Variants in BMP7 observed in about 807,000 individuals in gnomAD.
The protein encoded by BMP7 is bone morphogenetic protein 7.
In BMP7, 12 loss-of-function variants were observed where a neutral mutation model predicts 41.2. The ratio of observed to expected loss-of-function variants is 0.29; its 90% CI spans 0.19 to 0.47. BMP7 has a LOEUF of 0.47. Among genes scored for constraint, BMP7 ranks in the 20% least tolerant of loss-of-function variants. The probability of loss-of-function intolerance (pLI) is 0.99; values close to 1 mark genes in which losing one functional copy is unlikely to be tolerated. For synonymous variants in BMP7, 248 were observed against 250.0 expected (o/e 0.99, Z 0.07); for missense variants, 467 against 606.0 (o/e 0.77, Z 2.41).
Position 57,259,460 on chromosome 20 carries a change from C to G in BMP7, c.418+6245G>C, listed in dbSNP as rs1158054375. On this transcript the variant is annotated intron_variant, in intron 1 of 6. Transcript: ENST00000395863. This position sits in a 1 kb window ranked among gnomAD's most constrained non-coding sequence, Gnocchi z 4.7. Reference sequence around the variant, plus strand: ...AAATACTGTACCATGCTACCGACATCAATTAATGAAAAGCAGGGTTGTGTG... The same window carrying G: ...AAATACTGTACCATGCTACCGACATGAATTAATGAAAAGCAGGGTTGTGTG... 2.6e-5 allele frequency among the ~76,000 whole-genome samples: 4 copies of G among 152,328 alleles called. No homozygotes were observed. The highest frequency in any genetic ancestry group is 4.4e-5 in the Non-Finnish European group (3 of 68,032).
rs1178005563 is a variant in BMP7, at chr20:57,259,630, G to A, written c.418+6075C>T. Reference sequence around the variant, plus strand: ...TTGTCATTAATTCAATCCACTCCACGCGGATCAGCACAGGCTTTGCGCGGC... The same window carrying A: ...TTGTCATTAATTCAATCCACTCCACACGGATCAGCACAGGCTTTGCGCGGC... On this transcript the variant is annotated intron_variant, in intron 1 of 6. Coordinates refer to ENST00000395863, the MANE Select transcript of BMP7 (RefSeq NM_001719.3). The surrounding 1 kb of genome is among the most constrained non-coding windows in gnomAD (Gnocchi z 4.7). 5.9e-5 allele frequency among the ~76,000 whole-genome samples: 9 copies of A among 152,098 alleles called. No homozygotes were observed. Among genetic ancestry groups the A allele is most frequent in the Non-Finnish European group, 1.0e-4 (7 of 68,030 alleles).
At position 57,228,268 on chromosome 20, in the gene BMP7, C is replaced by T. The variant is rs140127181; in HGVS notation, c.572G>A (p.Arg191Gln). 24 of 1,614,050 alleles carry T rather than the reference C, an allele frequency of 1.5e-5. No individual in the cohort carries two copies. Among genetic ancestry groups the T allele is most frequent in the Middle Eastern group, 3.4e-4 (2 of 5,966 alleles). Reference protein sequence around the residue: ...IRERFDNETFRISVYQVLQEH... With the variant: ...IRERFDNETFQISVYQVLQEH... ...CTGGAGCACCTGATAAACGCTGATC[C>T]GGAACGTCTCATTGTCGAAGCGTTC... is the stretch of plus-strand genomic sequence containing the variant. Residue 191 changes from arginine to glutamine, a missense_variant, in exon 2 of 7, where the codon CGG becomes CAG. Coordinates refer to ENST00000395863, the MANE Select transcript of BMP7 (RefSeq NM_001719.3). This position sits in a 1 kb window ranked among gnomAD's most constrained non-coding sequence, Gnocchi z 4.5.
In BMP7 at chr20:57,243,303, AC is replaced by A. The variant is rs561457887; in HGVS notation, c.419-14883del. ...AGACCAGCCTGGCTAATATGCCAAA[AC>A]CCTGTCTCTACTAAAAATACAAAAA... On this transcript the variant is annotated intron_variant, in intron 1 of 6. Transcript: ENST00000395863. Among the ~76,000 whole-genome samples, 39 of 152,118 alleles carry A rather than the reference AC, an allele frequency of 2.6e-4. No individual in the cohort carries two copies. In the East Asian group the frequency reaches 7.2e-3, roughly 28 times the overall value.
chr20:57,191,018 A>C (rs1026669438), intron 3 of BMP7, among the ~76,000 whole-genome samples: 1 of 152,128 alleles, frequency 6.6e-6, no homozygotes, highest in South Asian at 2.1e-4. Flanking sequence ...ACATTGCTAC[A>C]TGTCCCCTGG....
At chr20:57,255,124 T>A (rs2066129188) in intron 1 of BMP7, among the ~76,000 whole-genome samples, 1 of 152,024 alleles carries the variant, frequency 6.6e-6, no homozygotes, top group Non-Finnish European at 1.5e-5. Context: ...CGGCTTCTGT[T>A]TTAATGGTCT....
chr20:57,205,227 C>A (rs1984704216), intron 2 of BMP7, among the ~76,000 whole-genome samples: 1 of 152,170 alleles, frequency 6.6e-6, no homozygotes, highest in Middle Eastern at 3.2e-3. Context: ...GCAAGGAAGT[C>A]TTTTTAGAGC....
chr20:57,264,161 GTTA>G (rs935598177), intron 1 of BMP7, among the ~76,000 whole-genome samples: 1 of 152,194 alleles, frequency 6.6e-6, no homozygotes, highest in Non-Finnish European at 1.5e-5. Flanking sequence ...GTTGGATTTA[GTTA>G]TTATTAAGTA....
At chr20:57,242,573 C>G (rs1483221685) in intron 1 of BMP7, among the ~76,000 whole-genome samples, 2 of 152,220 alleles carry the variant, frequency 1.3e-5, no homozygotes, top group African/African-American at 4.8e-5. Context: ...CACCCTAACA[C>G]CTCGGGGCAG....
chr20:57,196,013 A>C (rs1261756102), intron 3 of BMP7, among the ~76,000 whole-genome samples: 2 of 152,180 alleles, frequency 1.3e-5, no homozygotes, highest in Non-Finnish European at 2.9e-5. Flanking sequence ...CATGAGGCAG[A>C]CAAGGGCTCC....
At chr20:57,239,121 C>T (rs8116919) in intron 1 of BMP7, among the ~76,000 whole-genome samples, 39,970 of 152,062 alleles carry the variant, frequency 0.26, 5,817 homozygotes, top group South Asian at 0.37. Flanking sequence ...TCCAAAGTCT[C>T]ATCTGAGACA....
chr20:57,201,400 A>G (rs918991452), intron 3 of BMP7, among the ~76,000 whole-genome samples: 4 of 152,224 alleles, frequency 2.6e-5, no homozygotes, highest in African/African-American at 9.6e-5. Flanking sequence ...AGTCTCCGAG[A>G]TAAGTCAGCT....
chr20:57,178,262 G>T (rs1446103162), intron 4 of BMP7, among the ~76,000 whole-genome samples: 1 of 152,338 alleles, frequency 6.6e-6, no homozygotes, highest in South Asian at 2.1e-4. Context: ...TCGGATAGAG[G>T]ATCAGAGGCA....
Position 57,191,888 on chromosome 20 carries a change from T to G in BMP7, c.761-7969A>C, listed in dbSNP as rs183491208. Reference sequence around the variant, plus strand: ...CATATACTATATATTATATAGTATATATAGTATAGATAGTATACATACTAT... The same window carrying G: ...CATATACTATATATTATATAGTATAGATAGTATAGATAGTATACATACTAT... On this transcript the variant is annotated intron_variant, in intron 3 of 6. Coordinates refer to ENST00000395863, the MANE Select transcript of BMP7 (RefSeq NM_001719.3). 2.2e-3 allele frequency among the ~76,000 whole-genome samples: 300 copies of G among 134,462 alleles called. 2 individuals are homozygous for G. Among genetic ancestry groups the G allele is most frequent in the African/African-American group, 8.2e-3 (285 of 34,868 alleles). 88.2% of individuals were successfully genotyped at this position (134,462 alleles called of 152,430 possible).
At chr20:57,237,266 A>G (rs2066051565) in intron 1 of BMP7, among the ~76,000 whole-genome samples, 1 of 152,224 alleles carries the variant, frequency 6.6e-6, no homozygotes. Context: ...CATTATAACC[A>G]GAAGTCAGAA....
chr20:57,226,175 C>T (rs966294952), intron 2 of BMP7, among the ~76,000 whole-genome samples: 1 of 152,250 alleles, frequency 6.6e-6, no homozygotes. Context: ...GGCAAGACAG[C>T]AGAGGCACCA....
intron 1 of BMP7, among the ~76,000 whole-genome samples, chr20:57,249,930 G>A (rs2066105480): frequency 6.6e-6 from 1 of 152,084 alleles, no homozygotes; most frequent in South Asian, 2.1e-4. Flanking sequence ...CACCAGAGAG[G>A]GAAACTGAGG....
chr20:57,266,001 A>T lies in BMP7; in HGVS notation c.122T>A (p.Phe41Tyr). 6.5e-7 allele frequency: 1 copy of T among 1,549,824 alleles called. No homozygotes were observed. Among genetic ancestry groups the T allele is most frequent in the East Asian group, 2.4e-5 (1 of 40,906 alleles). The change falls in exon 1 of 7, where the codon TTC (phenylalanine) becomes TAC (tyrosine). Residue 41 changes from phenylalanine (F) to tyrosine (Y), a missense_variant. Physicochemically the swap from Phe to Tyr is conservative, Grantham distance 22. Transcript: ENST00000395863. ...CTGGCTGCGGAGGCGCCGGTGGATG[A>T]AGCTCGAGTGCACCTCGTTGTCCAG... ...FSLDNEVHSS[F>Y]IHRRLRSQER... is the part of the protein sequence containing the mutation.
intron 1 of BMP7, among the ~76,000 whole-genome samples, chr20:57,258,599 A>G (rs1296433587): frequency 1.3e-5 from 2 of 152,252 alleles, no homozygotes; most frequent in Non-Finnish European, 2.9e-5. Context: ...GTTCCGGTAT[A>G]CCCTCTCACT....
chr20:57,244,680 T>C (rs2066082714), intron 1 of BMP7, among the ~76,000 whole-genome samples: 1 of 152,152 alleles, frequency 6.6e-6, no homozygotes, highest in Non-Finnish European at 1.5e-5. Context: ...TTCAAGGACA[T>C]GGAGGCTGGC....
Sources: gnomAD v4.1 joint callset for allele counts (sites outside exome capture counted in the v4.1 genomes callset) on GRCh38, gnomAD v4.1.1 for gene constraint, Gnocchi (gnomAD v3.1) non-coding constraint, MANE v1.5 for transcripts, NCBI Gene and HGNC (gene_info 2026-07-23, HGNC 2026-07-21) for gene names.